Variants in KLHL1 observed in about 807,000 individuals in gnomAD.
The protein encoded by KLHL1 is kelch-like protein 1.
In KLHL1, 47 loss-of-function variants were observed where a neutral mutation model predicts 77.7. The ratio of observed to expected loss-of-function variants is 0.60; its 90% CI spans 0.48 to 0.77. KLHL1 has a LOEUF of 0.77. Ranked by LOEUF, KLHL1 falls within the 30% of genes least tolerant of loss-of-function variation. The pLI is 0.00. For synonymous variants in KLHL1, 360 were observed against 325.2 expected (o/e 1.11, Z -1.15); for missense variants, 925 against 910.8 (o/e 1.02, Z -0.20).
chr13:69,984,947 A>T (rs1884820493), intron 1 of KLHL1, among the ~76,000 whole-genome samples: 1 of 151,924 alleles, frequency 6.6e-6, no homozygotes, highest in Admixed American at 6.6e-5. Flanking sequence ...GGTCTCTACT[A>T]AAAAAATAGA....
chr13:69,781,285 CTTT>C (rs869083780), intron 7 of KLHL1, among the ~76,000 whole-genome samples: 1,245 of 119,636 alleles, frequency 0.01, 12 homozygotes, highest in African/African-American at 0.036. Flanking sequence ...TTTTTTCTTT[CTTT>C]TTTTTTTTTT....
intron 1 of KLHL1, among the ~76,000 whole-genome samples, chr13:70,082,037 T>A (rs570510745): frequency 2.6e-5 from 4 of 152,114 alleles, no homozygotes; most frequent in African/African-American, 9.6e-5. Flanking sequence ...GGAGGTCAGG[T>A]TGTTTAAAGT....
chr13:69,890,886 A>C (rs1046875010), intron 4 of KLHL1, among the ~76,000 whole-genome samples: 2 of 152,060 alleles, frequency 1.3e-5, no homozygotes, highest in Non-Finnish European at 2.9e-5. Context: ...CTTTGCATAC[A>C]TTTTAATCTT....
At chr13:69,908,215 C>T (rs755499226) in intron 4 of KLHL1, among the ~76,000 whole-genome samples, 16 of 151,376 alleles carry the variant, frequency 1.1e-4, no homozygotes, top group South Asian at 6.3e-4. Flanking sequence ...AGAGAAGAGA[C>T]GCCAGAACCA....
At chr13:70,006,974 A>C (rs1340727785) in intron 1 of KLHL1, among the ~76,000 whole-genome samples, 3 of 152,026 alleles carry the variant, frequency 2.0e-5, no homozygotes, top group Non-Finnish European at 4.4e-5. Context: ...ATTTGATTAT[A>C]GTTAATAAAA....
At chr13:70,046,837 C>G (rs1241052981) in intron 1 of KLHL1, among the ~76,000 whole-genome samples, 1 of 152,102 alleles carries the variant, frequency 6.6e-6, no homozygotes, top group African/African-American at 2.4e-5. Context: ...CCTTACCCCA[C>G]CAAGTACCGA....
intron 1 of KLHL1, among the ~76,000 whole-genome samples, chr13:70,036,402 T>C (rs1366507265): frequency 6.6e-6 from 1 of 152,000 alleles, no homozygotes; most frequent in Non-Finnish European, 1.5e-5. Flanking sequence ...TTTTGTAGTT[T>C]ATTCCAATTA....
chr13:69,780,705 T>TATATATATATATATATATATAC (rs1876110483), intron 7 of KLHL1, among the ~76,000 whole-genome samples: 1 of 39,884 alleles, frequency 2.5e-5, no homozygotes, highest in Admixed American at 2.2e-4. Context: ...TATATATGTA[T>TATATATATATATATATATATAC]ATATATATAT....
At chr13:69,817,327 T>C (rs1460060712) in intron 6 of KLHL1, among the ~76,000 whole-genome samples, 2 of 152,160 alleles carry the variant, frequency 1.3e-5, no homozygotes, top group Non-Finnish European at 2.9e-5. Context: ...AAAGAAGTCA[T>C]AAAATGTCTT....
At chr13:70,028,743 G>A (rs1040099505) in intron 1 of KLHL1, among the ~76,000 whole-genome samples, 6 of 152,092 alleles carry the variant, frequency 3.9e-5, no homozygotes, top group African/African-American at 1.4e-4. Context: ...TTGAGAGGCC[G>A]AAGCAGGTGA....
At chr13:69,718,919 T>G (rs1872899785) in intron 9 of KLHL1, among the ~76,000 whole-genome samples, 2 of 152,076 alleles carry the variant, frequency 1.3e-5, no homozygotes, top group South Asian at 4.1e-4. Context: ...TAATTCACCT[T>G]TGAGAGTTTG....
chr13:69,780,747 T>TATATATATATACACAC (rs1876141035), intron 7 of KLHL1, among the ~76,000 whole-genome samples: 1 of 95,672 alleles, frequency 1.0e-5, no homozygotes, highest in African/African-American at 4.4e-5. Context: ...TATATATACA[T>TATATATATATACACAC]ATATATATAT....
intron 5 of KLHL1, 78 bp downstream of exon 5, chr13:69,882,205 A>C: frequency 1.0e-6 from 1 of 965,012 alleles, no homozygotes; most frequent in South Asian, 1.5e-5. Context: ...CCTAATTAAA[A>C]ATGTGTTTTG....
intron 9 of KLHL1, among the ~76,000 whole-genome samples, chr13:69,718,433 C>A (rs779673989): frequency 4.0e-5 from 6 of 151,390 alleles, no homozygotes; most frequent in Non-Finnish European, 7.4e-5. Context: ...ATTTTGAGTA[C>A]CAGAGTGGTA....
chr13:69,704,051 C>T (rs191009925), intron 10 of KLHL1, among the ~76,000 whole-genome samples: 1 of 151,738 alleles, frequency 6.6e-6, no homozygotes, highest in Admixed American at 6.6e-5. Flanking sequence ...TCCCTGATGT[C>T]CATTCAATAC....
intron 4 of KLHL1, among the ~76,000 whole-genome samples, chr13:69,884,048 T>C (rs1036057096): frequency 1.3e-5 from 2 of 152,012 alleles, no homozygotes; most frequent in Admixed American, 1.3e-4. Context: ...CTAAACAGAG[T>C]AGAGGATTCA....
intron 4 of KLHL1, among the ~76,000 whole-genome samples, chr13:69,917,349 T>C (rs991134396): frequency 6.6e-6 from 1 of 152,080 alleles, no homozygotes; most frequent in East Asian, 1.9e-4. Context: ...TAGGAGAGAA[T>C]TTTTAAAAAT....
At chr13:69,960,808 GA>G (rs147674605) in intron 3 of KLHL1, among the ~76,000 whole-genome samples, 13 of 150,630 alleles carry the variant, frequency 8.6e-5, no homozygotes, top group Non-Finnish European at 1.5e-4. Flanking sequence ...TAGTAGATCA[GA>G]AAAAAAAACT....
At chr13:69,738,508 A>G (rs1311300102) in intron 8 of KLHL1, among the ~76,000 whole-genome samples, 1 of 152,036 alleles carries the variant, frequency 6.6e-6, no homozygotes, top group Non-Finnish European at 1.5e-5. Context: ...ATGATAAAAC[A>G]CTACAGGAGC....
Sources: gnomAD v4.1 joint callset for allele counts (sites outside exome capture counted in the v4.1 genomes callset) on GRCh38, gnomAD v4.1.1 for gene constraint, MANE v1.5 for transcripts, NCBI Gene and HGNC (gene_info 2026-07-23, HGNC 2026-07-21) for gene names.